The following PTBP2 variants were observed in gnomAD, a reference collection of about 807,000 sequenced individuals.
PTBP2 encodes the protein polypyrimidine tract binding protein 2, also known as polypyrimidine tract-binding protein 2.
PTBP2 carries 13 observed loss-of-function variants against 61.4 expected under a neutral mutation model. The ratio of observed to expected loss-of-function variants is 0.21; its 90% CI spans 0.14 to 0.34. The LOEUF (loss-of-function observed/expected upper bound fraction) is 0.34, where lower values mean the gene tolerates loss of function less well. Ranked by LOEUF, PTBP2 falls within the 10% of genes least tolerant of loss-of-function variation. The pLI, the probability that PTBP2 is intolerant of heterozygous loss-of-function variation, is 1.00. For missense variants in PTBP2, 405 were observed against 642.6 expected, an observed-to-expected ratio of 0.63 and a Z score of 4.00; for synonymous variants, 215 against 218.5, an observed-to-expected ratio of 0.98 and a Z score of 0.14.
intron 8 of PTBP2, among the ~76,000 whole-genome samples, chr1:96,797,779 A>G (rs898571008): frequency 6.6e-6 from 1 of 152,224 alleles, no homozygotes; most frequent in African/African-American, 2.4e-5. Flanking sequence ...AATGGTTGTT[A>G]TAGTGTATTG....
chr1:96,764,729 A>G (rs921496849), intron 3 of PTBP2, among the ~76,000 whole-genome samples: 4 of 152,226 alleles, frequency 2.6e-5, no homozygotes, highest in African/African-American at 9.6e-5. Flanking sequence ...TACTATTTAT[A>G]AAGGTTTTAA....
chr1:96,765,259 T>C (rs1026414011), intron 3 of PTBP2, among the ~76,000 whole-genome samples: 2 of 152,202 alleles, frequency 1.3e-5, no homozygotes, highest in Non-Finnish European at 2.9e-5. Flanking sequence ...CTTTTATAAA[T>C]GTGTGTCTCT....
At chr1:96,744,111 A>G (rs1248295854) in intron 2 of PTBP2, among the ~76,000 whole-genome samples, 2 of 151,572 alleles carry the variant, frequency 1.3e-5, no homozygotes, top group Non-Finnish European at 3.0e-5. Flanking sequence ...AAATTGCTTG[A>G]ACCTGGGGAG....
intron 11 of PTBP2, among the ~76,000 whole-genome samples, 157 bp downstream of exon 11, chr1:96,807,115 C>T (rs868835479): frequency 2.0e-5 from 3 of 152,128 alleles, no homozygotes; most frequent in Non-Finnish European, 4.4e-5. Context: ...TTGTATGTGA[C>T]GAACATATTT....
chr1:96,743,058 G>A (rs951351110), intron 2 of PTBP2, among the ~76,000 whole-genome samples: 3 of 151,924 alleles, frequency 2.0e-5, no homozygotes, highest in South Asian at 4.2e-4. Flanking sequence ...AGGCTGAGGC[G>A]GGCAGATCAC....
In PTBP2 at chr1:96,729,559, T is replaced by G. The variant is rs149732123; in HGVS notation, c.39+5965T>G. On this transcript the variant is annotated intron_variant, in intron 2 of 13. Coordinates refer to ENST00000674951, the MANE Select transcript of PTBP2 (RefSeq NM_021190.4). ...AGTGAAGCCATGTGGGGCCAGATGT[T>G]TGTTTTGTCGGGAGGTTTTAAACTA... 5.9e-5 allele frequency among the ~76,000 whole-genome samples: 9 copies of G among 152,204 alleles called. No homozygotes were observed. In the East Asian group the frequency reaches 1.7e-3, roughly 29 times the overall value.
intron 1 of PTBP2, among the ~76,000 whole-genome samples, chr1:96,722,447 G>A (rs185810457): frequency 0.016 from 2,422 of 151,876 alleles, 72 homozygotes; most frequent in African/African-American, 0.055. Flanking sequence ...GGGAAGGGGG[G>A]AGGGCGTGCG....
chr1:96,806,553 A>G, intron 10 of PTBP2, 101 bp downstream of exon 10: 1 of 1,294,292 alleles, frequency 7.7e-7, no homozygotes, highest in Non-Finnish European at 1.1e-6. Context: ...TGAATAGTAA[A>G]TCTTTTGCTA....
At chr1:96,725,317 T>C (rs1331199861) in intron 2 of PTBP2, among the ~76,000 whole-genome samples, 2 of 151,568 alleles carry the variant, frequency 1.3e-5, no homozygotes, top group East Asian at 1.9e-4. Flanking sequence ...TTTTTTTTTT[T>C]TTGAGACAGA....
At chr1:96,779,635 G>A (rs1658428549) in intron 7 of PTBP2, among the ~76,000 whole-genome samples, 1 of 152,024 alleles carries the variant, frequency 6.6e-6, no homozygotes, top group Non-Finnish European at 1.5e-5. Flanking sequence ...TCTTGACAAA[G>A]ATCTAAAGTT....
chr1:96,745,248 C>T (rs1162235284), intron 2 of PTBP2, among the ~76,000 whole-genome samples: 2 of 151,818 alleles, frequency 1.3e-5, no homozygotes, highest in South Asian at 2.1e-4. Flanking sequence ...CAGCAAGCTT[C>T]GCCTCCCTGG....
chr1:96,807,781 A>G (rs909497181), intron 11 of PTBP2, among the ~76,000 whole-genome samples: 3 of 152,220 alleles, frequency 2.0e-5, no homozygotes, highest in Non-Finnish European at 4.4e-5. Flanking sequence ...AATAGGTTTG[A>G]ATTTTAGTGT....
chr1:96,804,411 C>T (rs1251336204), intron 8 of PTBP2, among the ~76,000 whole-genome samples: 2 of 150,734 alleles, frequency 1.3e-5, no homozygotes, highest in African/African-American at 2.4e-5. Context: ...AAGTGAATTA[C>T]CATTATGTCG....
At chr1:96,736,678 C>T (rs1652236850) in intron 2 of PTBP2, among the ~76,000 whole-genome samples, 2 of 151,954 alleles carry the variant, frequency 1.3e-5, no homozygotes, top group African/African-American at 4.8e-5. Flanking sequence ...GTTGCCTTTT[C>T]CTCTTTTTTC....
intron 5 of PTBP2, among the ~76,000 whole-genome samples, chr1:96,773,519 C>G (rs1435998598): frequency 6.6e-6 from 1 of 152,024 alleles, no homozygotes; most frequent in South Asian, 2.1e-4. Flanking sequence ...CTTCATCCCC[C>G]CTTTGTTGTC....
At chr1:96,807,062 A>C (rs566403576) in intron 11 of PTBP2, 104 bp downstream of exon 11, 970 of 798,236 alleles carry the variant, frequency 1.2e-3, no homozygotes, top group Non-Finnish European at 1.8e-3. Context: ...GTAAGAAATT[A>C]TTTTAATGGC....
chr1:96,789,919 C>T (rs1369061826), intron 8 of PTBP2, among the ~76,000 whole-genome samples: 1 of 152,092 alleles, frequency 6.6e-6, no homozygotes, highest in Non-Finnish European at 1.5e-5. Flanking sequence ...CCAGAATTGA[C>T]AATGATTTCT....
At chr1:96,778,834 T>G (rs1658331463) in intron 7 of PTBP2, among the ~76,000 whole-genome samples, 1 of 152,132 alleles carries the variant, frequency 6.6e-6, no homozygotes, top group African/African-American at 2.4e-5. Flanking sequence ...TACAATTGTT[T>G]CATTGCATTT....
chr1:96,791,827 T>TTTTTTTTGTTTATTTTTTG (rs1553184731), intron 8 of PTBP2, among the ~76,000 whole-genome samples: 1 of 81,954 alleles, frequency 1.2e-5, no homozygotes, highest in African/African-American at 5.6e-5. Flanking sequence ...GGAGTTGTGC[T>TTTTTTTTGTTTATTTTTTG]TTTTTTTTTT....
Sources: gnomAD v4.1 joint callset for allele counts (sites outside exome capture counted in the v4.1 genomes callset) on GRCh38, gnomAD v4.1.1 for gene constraint, MANE v1.5 for transcripts, NCBI Gene and HGNC (gene_info 2026-07-23, HGNC 2026-07-21) for gene names.